ARMC6: variants seen among roughly 807,000 people sequenced by gnomAD.
ARMC6 encodes the protein armadillo repeat containing 6.
In ARMC6, 43 loss-of-function variants were observed where a neutral mutation model predicts 49.2. That is an observed-to-expected ratio of 0.87 (90% CI 0.69 to 1.13). ARMC6 has a LOEUF of 1.13. Among genes scored for constraint, ARMC6 ranks in the 50% most tolerant of loss-of-function variants. ARMC6 has a pLI of 0.00. For missense variants in ARMC6, 627 were observed against 682.0 expected (o/e 0.92, Z 0.90); for synonymous variants, 262 against 289.6 (o/e 0.90, Z 0.97).
intron 2 of ARMC6, among the ~76,000 whole-genome samples, chr19:19,035,840 C>T (rs573968554): frequency 6.6e-6 from 1 of 152,314 alleles, no homozygotes; most frequent in Admixed American, 6.5e-5. Context: ...ACAACATGTA[C>T]CCAAGGTGGT....
Position 19,050,088 on chromosome 19 carries a change from C to CAA in ARMC6, c.280-1533_280-1532insAA, listed in dbSNP as rs376515983. Among the ~76,000 whole-genome samples, 378 of 152,274 alleles carry CAA rather than the reference C, an allele frequency of 2.5e-3. 6 individuals are homozygous for CAA. The highest frequency in any genetic ancestry group is 8.6e-3 in the African/African-American group (356 of 41,564). On this transcript the variant is annotated intron_variant, in intron 4 of 8. Coordinates refer to ENST00000535612, the MANE Select transcript of ARMC6 (RefSeq NM_001199196.2). ...TTGTCTTTTGGTGACTGTCTTATTT[C>CAA]ACTTAGCGTAATGTCCTCAAGGTAT...
intron 4 of ARMC6, among the ~76,000 whole-genome samples, chr19:19,047,508 A>G (rs1043665955): frequency 6.6e-6 from 1 of 152,182 alleles, no homozygotes; most frequent in South Asian, 2.1e-4. Context: ...GGCCACATTT[A>G]TATGTGGGAA....
chr19:19,051,562 G>GCTGTGGCCATGGGTTC, intron 4 of ARMC6, 60 bp from the exon 5 acceptor site: 2 of 1,458,860 alleles, frequency 1.4e-6, no homozygotes, highest in Middle Eastern at 3.7e-4. Flanking sequence ...AGACACTGTT[G>GCTGTGGCCATGGGTTC]CTGTGGCCAT....
chr19:19,046,927 G>GTTTTTTTTTTTTTTTTT (rs386388691), intron 4 of ARMC6, among the ~76,000 whole-genome samples: 32 of 104,314 alleles, frequency 3.1e-4, no homozygotes, highest in South Asian at 6.7e-4. Context: ...ATGCTCACCT[G>GTTTTTTTTTTTTTTTTT]TTTTTTTTTT....
intron 4 of ARMC6, among the ~76,000 whole-genome samples, chr19:19,048,239 A>G (rs896537497): frequency 6.6e-6 from 1 of 152,092 alleles, no homozygotes; most frequent in Non-Finnish European, 1.5e-5. Context: ...CCAGCTACTC[A>G]GGAGGCTGAG....
In ARMC6 at chr19:19,055,128, C is replaced by A; in HGVS notation, c.1024-137C>A. The A allele has an allele frequency of 8.7e-7, 1 of 1,154,874 alleles. No individual in the cohort carries two copies. The highest frequency in any genetic ancestry group is 1.2e-6 in the Non-Finnish European group (1 of 846,558). 71.5% of individuals were successfully genotyped at this position (1,154,874 alleles called of 1,614,324 possible). A position where few individuals can be genotyped will look rare whatever the true frequency, so the allele number is the denominator to read the frequency against. On this transcript the variant is annotated intron_variant, in intron 6 of 8. Transcript: ENST00000535612. This position sits in a 1 kb window ranked among gnomAD's most constrained non-coding sequence, Gnocchi z 5.7. ...CAGCCTGAGCCACAGGCATCTGCCA[C>A]CCCTTCTCGTTAGTCACACCCTGCA...
In ARMC6 at chr19:19,042,760, G is replaced by A. The variant is rs368914588; in HGVS notation, c.79G>A (p.Val27Ile). ...CTPTSTQAKM[V>I]SKRIAQETFD... ...GCCAACATCAACACAGGCGAAGATGGTCTCCAAGCGCATTGCCCAGGAGAC... is the reference window on the plus strand; with the variant it reads ...GCCAACATCAACACAGGCGAAGATGATCTCCAAGCGCATTGCCCAGGAGAC... Residue 27 changes from valine to isoleucine, a missense_variant, in exon 3 of 9, where the codon GTC becomes ATC. Val to Ile is a conservative substitution (Grantham distance 29). Coordinates refer to ENST00000535612, the MANE Select transcript of ARMC6 (RefSeq NM_001199196.2). 1.2e-6 allele frequency: 2 copies of A among 1,613,908 alleles called. No individual in the cohort carries two copies.
At chr19:19,056,016 G>T in intron 8 of ARMC6, 88 bp downstream of exon 8, 1 of 1,449,194 alleles carries the variant, frequency 6.9e-7, no homozygotes, top group South Asian at 1.3e-5. Flanking sequence ...TGCGGTGTGC[G>T]GGTGGGTGAT....
At chr19:19,048,113 A>G (rs1311523025) in intron 4 of ARMC6, among the ~76,000 whole-genome samples, 1 of 152,132 alleles carries the variant, frequency 6.6e-6, no homozygotes, top group African/African-American at 2.4e-5. Flanking sequence ...TTGGGAGCCC[A>G]GGCAGGTGGA....
At position 19,051,182 on chromosome 19, in the gene ARMC6, C is replaced by A. The variant is rs75166692; in HGVS notation, c.280-440C>A. ...GTGCCAGTTTGTTACAGCTGTGTGA[C>A]AAACAACCCAAACAACAGGCATCTT... On this transcript the variant is annotated intron_variant, in intron 4 of 8. Coordinates refer to ENST00000535612, the MANE Select transcript of ARMC6 (RefSeq NM_001199196.2). Among the ~76,000 whole-genome samples, 801 of 152,286 alleles carry A rather than the reference C, an allele frequency of 5.3e-3. 11 individuals carry two copies. The highest frequency in any genetic ancestry group is 0.018 in the African/African-American group (759 of 41,548).
At chr19:19,054,105 C>T (rs570950316) in intron 5 of ARMC6, 47 bp from the exon 6 acceptor site, 14 of 1,469,918 alleles carry the variant, frequency 9.5e-6, no homozygotes, top group East Asian at 5.1e-5. Flanking sequence ...GAGGGCCCTG[C>T]GGCTGGTTCT....
chr19:19,042,025 T>C (rs999734422), intron 2 of ARMC6, among the ~76,000 whole-genome samples: 2 of 151,420 alleles, frequency 1.3e-5, no homozygotes, highest in African/African-American at 4.9e-5. Flanking sequence ...TCCTGAGTAG[T>C]TGGGACTACA....
At chr19:19,036,520 G>A (rs2059369789) in intron 2 of ARMC6, among the ~76,000 whole-genome samples, 1 of 152,156 alleles carries the variant, frequency 6.6e-6, no homozygotes, top group South Asian at 2.1e-4. Context: ...AGATCTTGAG[G>A]GCCACAAGGA....
In ARMC6 at chr19:19,055,440, G is replaced by C; in HGVS notation, c.1155+44G>C. Reference sequence around the variant, plus strand: ...ACACACAGTAGCAGGGTGGTGGCTGGAGTCCCAGTTCAGTTTCTGTATCTG... The same window carrying C: ...ACACACAGTAGCAGGGTGGTGGCTGCAGTCCCAGTTCAGTTTCTGTATCTG... On this transcript the variant is annotated intron_variant, in intron 7 of 8. Transcript: ENST00000535612. This position sits in a 1 kb window ranked among gnomAD's most constrained non-coding sequence, Gnocchi z 5.7. The C allele has an allele frequency of 6.5e-7, 1 of 1,548,700 alleles. No homozygotes were observed. Among genetic ancestry groups the C allele is most frequent in the South Asian group, 1.2e-5 (1 of 81,790 alleles).
At chr19:19,039,228 G>A (rs1458820606) in intron 2 of ARMC6, 2 of 341,266 alleles carry the variant, frequency 5.9e-6, no homozygotes, top group Non-Finnish European at 1.2e-5. Context: ...TTGAACTCCT[G>A]GGCTCAAATG....
intron 4 of ARMC6, among the ~76,000 whole-genome samples, chr19:19,047,849 C>T (rs78697497): frequency 0.015 from 2,210 of 152,190 alleles, 47 homozygotes; most frequent in African/African-American, 0.048. Context: ...ACATGTGAGA[C>T]GTACATTGGT....
chr19:19,033,643 C>G lies in ARMC6; in HGVS notation c.-367C>G. On this transcript the variant is annotated 5_prime_UTR_variant, in exon 1 of 9. Transcript: ENST00000535612. ...TGCGCAAGCGCGCTGTCCGCTTCTT[C>G]TGGGCGGACGCTCTGGAGGCAAAAC... The G allele has an allele frequency of 4.8e-6, 5 of 1,043,026 alleles. No homozygotes were observed. The highest frequency in any genetic ancestry group is 1.7e-5 in the African/African-American group (1 of 59,582). The allele number at this position is 1,043,026 out of a possible 1,614,324, so 64.6% of individuals were successfully genotyped here. A position where few individuals can be genotyped will look rare whatever the true frequency, so the allele number is the denominator to read the frequency against.
intron 4 of ARMC6, among the ~76,000 whole-genome samples, chr19:19,044,707 C>G (rs2059435115): frequency 6.6e-6 from 1 of 152,246 alleles, no homozygotes; most frequent in Non-Finnish European, 1.5e-5. Flanking sequence ...TTCCTGTCTT[C>G]TTGGTCACTG....
Position 19,057,535 on chromosome 19 carries a change from T to G in ARMC6, c.1413T>G (p.Cys471Trp), listed in dbSNP as rs2059554927. The G allele has an allele frequency of 8.1e-6, 13 of 1,613,572 alleles. No homozygotes were observed. Among genetic ancestry groups the G allele is most frequent in the African/African-American group, 1.3e-5 (1 of 74,910 alleles). ...IMQARSAHRDCEDVAKAALRD... is the reference protein window; with the variant it reads ...IMQARSAHRDWEDVAKAALRD... ...AGGCCCGATCTGCCCACCGTGACTG[T>G]GAGGACGTGGCCAAGGCCGCCCTGC... Residue 471 changes from cysteine (C) to tryptophan (W), a missense_variant, in exon 9 of 9, where the codon TGT becomes TGG. Transcript: ENST00000535612.
Sources: allele counts gnomAD v4.1 joint callset (sites outside exome capture counted in the v4.1 genomes callset), GRCh38; gene constraint gnomAD v4.1.1; non-coding constraint Gnocchi (gnomAD v3.1); transcripts MANE v1.5; gene names NCBI Gene and HGNC (gene_info 2026-07-23, HGNC 2026-07-21).